Variants in KDM7A observed in about 807,000 individuals in gnomAD.
KDM7A encodes lysine-specific demethylase 7A.
KDM7A carries 28 observed loss-of-function variants against 114.8 expected under a neutral mutation model. The ratio of observed to expected loss-of-function variants is 0.24; its 90% CI spans 0.18 to 0.33. The LOEUF is 0.33. Among genes scored for constraint, KDM7A ranks in the 10% least tolerant of loss-of-function variants. The probability of loss-of-function intolerance (pLI) is 1.00; values close to 1 mark genes in which losing one functional copy is unlikely to be tolerated. For synonymous variants in KDM7A, 423 were observed against 397.8 expected (o/e 1.06, Z -0.75); for missense variants, 942 against 1,142.5 (o/e 0.82, Z 2.53).
chr7:140,150,446 T>C (rs1349733013), intron 1 of KDM7A, among the ~76,000 whole-genome samples: 1 of 152,184 alleles, frequency 6.6e-6, no homozygotes, highest in Admixed American at 6.5e-5. Context: ...TCTATAAGCT[T>C]CTACACGGCA....
chr7:140,100,160 T>TGCA, intron 12 of KDM7A, 137 bp from the exon 13 acceptor site: 1 of 789,168 alleles, frequency 1.3e-6, no homozygotes. Context: ...CTTGGGGATA[T>TGCA]GCAGCAGTAT....
chr7:140,124,004 A>C (rs1585150902), intron 7 of KDM7A, among the ~76,000 whole-genome samples: 1 of 151,234 alleles, frequency 6.6e-6, no homozygotes, highest in East Asian at 1.9e-4. Context: ...CGGGATGGGG[A>C]GCTTGCAGTG....
intron 1 of KDM7A, among the ~76,000 whole-genome samples, chr7:140,159,458 AATGG>A (rs1794493996): frequency 6.6e-6 from 1 of 152,220 alleles, no homozygotes; most frequent in Non-Finnish European, 1.5e-5. Context: ...CAGGTCCTTG[AATGG>A]ATGAGTGGAT....
intron 1 of KDM7A, among the ~76,000 whole-genome samples, chr7:140,164,526 T>G (rs1019572582): frequency 2.0e-5 from 3 of 152,200 alleles, no homozygotes; most frequent in African/African-American, 7.2e-5. Context: ...TGCTATGTAT[T>G]AAGAAACTTA....
At chr7:140,111,254 TA>T (rs1818426314) in intron 10 of KDM7A, 70 bp from the exon 11 acceptor site, 1 of 998,938 alleles carries the variant, frequency 1.0e-6, no homozygotes. Context: ...ACAAATTTAC[TA>T]AACCAATTTT....
At chr7:140,124,049 G>C (rs994622585) in intron 7 of KDM7A, among the ~76,000 whole-genome samples, 2 of 145,128 alleles carry the variant, frequency 1.4e-5, no homozygotes, top group African/African-American at 5.2e-5. Context: ...CAGCCTGAGC[G>C]ACAGAGCAAG....
chr7:140,085,317 A>G lies in KDM7A; in HGVS notation c.*5777T>C, dbSNP rs1454985538. The G allele has an allele frequency of 6.6e-6, 1 of 152,230 alleles. No individual in the cohort carries two copies. Among genetic ancestry groups the G allele is most frequent in the Non-Finnish European group, 1.5e-5 (1 of 68,032 alleles). The allele number at this position is 152,230 out of a possible 1,614,324, so 9.4% of individuals were successfully genotyped here. ...AAACGTTACTACAAAACTAGTAAAT[A>G]CCAGAGCCAACAACTGTCCCCTCTC... On this transcript the variant is annotated 3_prime_UTR_variant, in exon 20 of 20. Coordinates refer to ENST00000397560, the MANE Select transcript of KDM7A (RefSeq NM_030647.2).
chr7:140,093,906 A>C, intron 18 of KDM7A, 150 bp downstream of exon 18: 1 of 640,706 alleles, frequency 1.6e-6, no homozygotes, highest in Non-Finnish European at 2.8e-6. Flanking sequence ...CTCAAAATGG[A>C]CAGTTGTTCA....
chr7:140,159,342 A>G (rs545216357), intron 1 of KDM7A, among the ~76,000 whole-genome samples: 13 of 152,278 alleles, frequency 8.5e-5, no homozygotes, highest in Non-Finnish European at 1.8e-4. Flanking sequence ...GCAAAACTCC[A>G]TATTGGAGAA....
intron 1 of KDM7A, among the ~76,000 whole-genome samples, chr7:140,171,092 CAAA>C (rs1562962599): frequency 7.4e-6 from 1 of 135,936 alleles, no homozygotes; most frequent in Admixed American, 7.5e-5. Flanking sequence ...ACAACAACAA[CAAA>C]AGACTTCAGT....
intron 1 of KDM7A, among the ~76,000 whole-genome samples, chr7:140,146,789 T>C (rs932948746): frequency 3.3e-5 from 5 of 152,236 alleles, no homozygotes; most frequent in African/African-American, 1.2e-4. Flanking sequence ...TCTGAAATTG[T>C]TGCTTAGCTG....
chr7:140,093,004 A>T (rs1818047442), intron 18 of KDM7A, among the ~76,000 whole-genome samples: 2 of 152,244 alleles, frequency 1.3e-5, no homozygotes, highest in Admixed American at 6.5e-5. Flanking sequence ...TTTAAAAAAA[A>T]AACTTGCTTC....
intron 1 of KDM7A, among the ~76,000 whole-genome samples, chr7:140,170,740 G>C (rs1212575418): frequency 6.6e-6 from 1 of 152,196 alleles, no homozygotes; most frequent in Non-Finnish European, 1.5e-5. Context: ...TTCCCTTCGA[G>C]AATGTAAGTC....
At position 140,176,565 on chromosome 7, in the gene KDM7A, C is replaced by A. The variant is rs1420554112; in HGVS notation, c.194+179G>T. ...CCACCGGCTCCCCTCTGGAGCCCGC[C>A]CGGCGAACCCGGGGCACCGCGCGCC... On this transcript the variant is annotated intron_variant, in intron 1 of 19. Coordinates refer to ENST00000397560, the MANE Select transcript of KDM7A (RefSeq NM_030647.2). This position sits in a 1 kb window ranked among gnomAD's most constrained non-coding sequence, Gnocchi z 4.4. Among the ~76,000 whole-genome samples, 1 of 146,678 alleles carries A rather than the reference C, an allele frequency of 6.8e-6. No homozygotes were observed. Among genetic ancestry groups the A allele is most frequent in the African/African-American group, 2.4e-5 (1 of 40,864 alleles).
chr7:140,158,561 G>C (rs1488739589), intron 1 of KDM7A, among the ~76,000 whole-genome samples: 1 of 152,156 alleles, frequency 6.6e-6, no homozygotes, highest in Non-Finnish European at 1.5e-5. Context: ...CTCAAGGTTG[G>C]CCTACCTACT....
chr7:140,104,146 G>A (rs1222059155), intron 11 of KDM7A, among the ~76,000 whole-genome samples: 2 of 151,970 alleles, frequency 1.3e-5, no homozygotes, highest in Non-Finnish European at 2.9e-5. Flanking sequence ...TCGCCCACTT[G>A]TTGATGGGGT....
chr7:140,091,545 G>A (rs1350853911), intron 19 of KDM7A, among the ~76,000 whole-genome samples: 2 of 152,152 alleles, frequency 1.3e-5, no homozygotes, highest in African/African-American at 4.8e-5. Flanking sequence ...CTTCAAAGCT[G>A]TCTATTCTGT....
chr7:140,160,981 AG>A lies in KDM7A; in HGVS notation c.194+15762del, dbSNP rs1176180988. Among the ~76,000 whole-genome samples the A allele has an allele frequency of 5.9e-5, 9 of 152,356 alleles. No homozygotes were observed. In the East Asian group the frequency reaches 1.7e-3, roughly 29 times the overall value. On this transcript the variant is annotated intron_variant, in intron 1 of 19. Transcript: ENST00000397560. The stretch of plus-strand genomic sequence containing the variant: ...GATATAAAGAAAATAAGGACAGGCT[AG>A]CACAAAAAAGAAACTGACTCAAAAC...
intron 18 of KDM7A, among the ~76,000 whole-genome samples, chr7:140,092,597 T>C (rs1258057029): frequency 6.6e-6 from 1 of 152,078 alleles, no homozygotes; most frequent in East Asian, 1.9e-4. Flanking sequence ...TCGAGTAAAC[T>C]TTCAGGGGGC....
Sources: gnomAD v4.1 joint callset for allele counts (sites outside exome capture counted in the v4.1 genomes callset) on GRCh38, gnomAD v4.1.1 for gene constraint, Gnocchi (gnomAD v3.1) non-coding constraint, MANE v1.5 for transcripts, NCBI Gene and HGNC (gene_info 2026-07-23, HGNC 2026-07-21) for gene names.